ARHGEF28: variants seen among roughly 807,000 people sequenced by gnomAD.
The protein encoded by ARHGEF28 is Rho guanine nucleotide exchange factor 28.
Under a neutral mutation model 206.6 loss-of-function variants are expected in ARHGEF28, and 152 were observed. The ratio of observed to expected loss-of-function variants is 0.74; its 90% CI spans 0.64 to 0.84. ARHGEF28 has a LOEUF of 0.84. Among genes scored for constraint, ARHGEF28 ranks in the 40% least tolerant of loss-of-function variants. The pLI, the probability that ARHGEF28 is intolerant of heterozygous loss-of-function variation, is 0.00. For synonymous variants in ARHGEF28, 763 were observed against 776.4 expected, an observed-to-expected ratio of 0.98 and a Z score of 0.29; for missense variants, 2,028 against 2,073.2, an observed-to-expected ratio of 0.98 and a Z score of 0.42.
rs1445545226 is a variant in ARHGEF28 at position 73,857,789 on chromosome 5, G to A, written c.1914+10G>A. 4.4e-6 allele frequency: 7 copies of A among 1,607,968 alleles called. No individual in the cohort carries two copies. The East Asian group carries it at 1.1e-4, about 26-fold the overall frequency. On this transcript the variant is annotated intron_variant, in intron 15 of 35. Transcript: ENST00000513042. ...TCGGAATAAATCAAAGGTAATTAAA[G>A]TGATTCACTTATTTTCTATAAAATA... is the stretch of plus-strand genomic sequence containing the variant.
intron 33 of ARHGEF28, among the ~76,000 whole-genome samples, chr5:73,907,113 G>T (rs1185384884): frequency 1.3e-5 from 2 of 152,166 alleles, no homozygotes; most frequent in African/African-American, 4.8e-5. Flanking sequence ...TCTTAGGTTA[G>T]ATGTGAGGTT....
At position 73,929,003 on chromosome 5, in the gene ARHGEF28, T is replaced by TC. The variant is rs529886888; in HGVS notation, c.4949-11840dup. 1.3e-3 allele frequency among the ~76,000 whole-genome samples: 192 copies of TC among 152,318 alleles called. 1 individual carries two copies. The highest frequency in any genetic ancestry group is 4.4e-3 in the African/African-American group (181 of 41,580). ...CATGCTGGAGTGTAGCGGTGTGATC[T>TC]CAGCTCACTGCAAGATCCGCCTCCC... On this transcript the variant is annotated intron_variant, in intron 35 of 35. Coordinates refer to ENST00000513042, the MANE Select transcript of ARHGEF28 (RefSeq NM_001177693.2).
chr5:73,893,928 T>C lies in ARHGEF28; in HGVS notation c.3659-465T>C, dbSNP rs535062002. On this transcript the variant is annotated intron_variant, in intron 28 of 35. Coordinates refer to ENST00000513042, the MANE Select transcript of ARHGEF28 (RefSeq NM_001177693.2). The stretch of plus-strand genomic sequence containing the variant: ...GTAACATGTTGAAATCTGAGGACAA[T>C]GATGCATGCAAAGATGGGCAAAGAA... Among the ~76,000 whole-genome samples the C allele has an allele frequency of 2.0e-5, 3 of 152,264 alleles. No homozygotes were observed. The East Asian group carries it at 5.8e-4, about 29-fold the overall frequency.
At chr5:73,831,467 G>A (rs545920726) in intron 9 of ARHGEF28, among the ~76,000 whole-genome samples, 5 of 152,238 alleles carry the variant, frequency 3.3e-5, no homozygotes, top group South Asian at 2.1e-4. Flanking sequence ...AAACATTTCC[G>A]TAACCAAAAT....
chr5:73,851,144 A>G (rs1758671683), intron 13 of ARHGEF28, among the ~76,000 whole-genome samples: 1 of 152,222 alleles, frequency 6.6e-6, no homozygotes, highest in Non-Finnish European at 1.5e-5. Context: ...TTCATTGTTT[A>G]GTCGGCTTGG....
chr5:73,724,302 T>A (rs942441200), intron 2 of ARHGEF28, among the ~76,000 whole-genome samples: 14 of 152,198 alleles, frequency 9.2e-5, no homozygotes, highest in Non-Finnish European at 1.5e-4. Context: ...TTTTTTCCCT[T>A]AGGAAATATA....
intron 4 of ARHGEF28, among the ~76,000 whole-genome samples, chr5:73,762,899 AG>A (rs1752688866): frequency 6.6e-6 from 1 of 152,220 alleles, no homozygotes; most frequent in African/African-American, 2.4e-5. Flanking sequence ...AATTATGTCA[AG>A]GCTTAGTTTC....
chr5:73,662,535 A>G (rs1321456468), intron 1 of ARHGEF28, among the ~76,000 whole-genome samples: 1 of 152,246 alleles, frequency 6.6e-6, no homozygotes, highest in Non-Finnish European at 1.5e-5. Flanking sequence ...GAACTTATAT[A>G]TCACAAAATA....
At chr5:73,683,114 C>A (rs566205180) in intron 1 of ARHGEF28, among the ~76,000 whole-genome samples, 5 of 152,150 alleles carry the variant, frequency 3.3e-5, no homozygotes, top group Non-Finnish European at 5.9e-5. Flanking sequence ...GTGAGTGATG[C>A]TGGGTTTTTT....
intron 2 of ARHGEF28, among the ~76,000 whole-genome samples, chr5:73,728,587 G>A (rs536213529): frequency 2.6e-5 from 4 of 152,190 alleles, no homozygotes; most frequent in South Asian, 2.1e-4. Context: ...TTTCCTTCTC[G>A]TCCAGAAAGC....
At chr5:73,655,668 C>T (rs1486439673) in intron 1 of ARHGEF28, among the ~76,000 whole-genome samples, 1 of 152,148 alleles carries the variant, frequency 6.6e-6, no homozygotes, top group Non-Finnish European at 1.5e-5. Flanking sequence ...GCAGTATTTA[C>T]ACATTGAGAA....
Position 73,909,478 on chromosome 5 carries a change from C to G in ARHGEF28, c.4228C>G (p.Leu1410Val), listed in dbSNP as rs1762744693. The change falls in exon 34 of 36, where the codon CTG becomes GTG. Residue 1410 changes from leucine (L) to valine (V), a missense_variant. Transcript: ENST00000513042. ...HRLVLQQQEG[L>V]SLGHSILRGG... is the part of the protein sequence containing the mutation. ...GCTGGTTCTCCAGCAGCAGGAGGGC[C>G]TGTCTCTCGGCCACTCTATCCTCCG... 1 of 1,612,884 alleles carries G rather than the reference C, an allele frequency of 6.2e-7. No homozygotes were observed. Among genetic ancestry groups the G allele is most frequent in the African/African-American group, 1.3e-5 (1 of 75,056 alleles).
chr5:73,724,185 A>C (rs1002045658), intron 2 of ARHGEF28, among the ~76,000 whole-genome samples: 5 of 152,226 alleles, frequency 3.3e-5, no homozygotes, highest in Admixed American at 1.3e-4. Flanking sequence ...CTGATTTGTC[A>C]TGGGTGTTCA....
chr5:73,893,934 A>T (rs748030167), intron 28 of ARHGEF28, among the ~76,000 whole-genome samples: 1 of 152,220 alleles, frequency 6.6e-6, no homozygotes, highest in Non-Finnish European at 1.5e-5. Flanking sequence ...ACAATGATGC[A>T]TGCAAAGATG....
At chr5:73,704,490 C>T (rs1328554337) in intron 2 of ARHGEF28, among the ~76,000 whole-genome samples, 1 of 152,010 alleles carries the variant, frequency 6.6e-6, no homozygotes, top group African/African-American at 2.4e-5. Context: ...AGTGGAGCGA[C>T]CTTGGCTTAC....
At chr5:73,627,091 T>G (rs1743058280) in intron 1 of ARHGEF28, 1 of 152,174 alleles carries the variant, frequency 6.6e-6, no homozygotes, top group Non-Finnish European at 1.5e-5. Context: ...ACCAGTTAGA[T>G]TTCTAAGAAA....
rs1223813613 is a variant in ARHGEF28, at chr5:73,839,363, T to G, written c.1147-1117T>G. On this transcript the variant is annotated intron_variant, in intron 10 of 35. Transcript: ENST00000513042. ...CATTAATGGTTTTTGCTTTAATAAA[T>G]TATGATGATGCTCGATGATTTAGGA... 5.9e-5 allele frequency among the ~76,000 whole-genome samples: 9 copies of G among 152,340 alleles called. No homozygotes were observed. The East Asian group carries it at 1.7e-3, about 29-fold the overall frequency.
chr5:73,774,122 A>C, intron 5 of ARHGEF28, 84 bp downstream of exon 5: 1 of 1,280,046 alleles, frequency 7.8e-7, no homozygotes, highest in South Asian at 1.6e-5. Flanking sequence ...ACCAAACCAC[A>C]AGCTAATGTT....
chr5:73,715,407 A>G (rs928761806), intron 2 of ARHGEF28, among the ~76,000 whole-genome samples: 1 of 152,220 alleles, frequency 6.6e-6, no homozygotes, highest in African/African-American at 2.4e-5. Flanking sequence ...AGCCTAGGTC[A>G]TATGACTGCT....
Sources: gnomAD v4.1 joint callset for allele counts (sites outside exome capture counted in the v4.1 genomes callset) on GRCh38, gnomAD v4.1.1 for gene constraint, MANE v1.5 for transcripts, NCBI Gene and HGNC (gene_info 2026-07-23, HGNC 2026-07-21) for gene names.